Variants in AKAP6 observed in about 807,000 individuals in gnomAD.
AKAP6 encodes the protein A-kinase anchoring protein 6, also known as A-kinase anchor protein 6.
AKAP6 carries 58 observed loss-of-function variants against 188.5 expected under a neutral mutation model. The observed-to-expected ratio is 0.31, with a 90% CI of 0.25 to 0.38. The LOEUF (loss-of-function observed/expected upper bound fraction) is 0.38, where lower values mean the gene tolerates loss of function less well. Among genes scored for constraint, AKAP6 ranks in the 10% least tolerant of loss-of-function variants. The pLI, the probability that AKAP6 is intolerant of heterozygous loss-of-function variation, is 1.00. For missense variants in AKAP6, 2,710 were observed against 2,740.0 expected, an observed-to-expected ratio of 0.99 and a Z score of 0.24; for synonymous variants, 989 against 998.6, an observed-to-expected ratio of 0.99 and a Z score of 0.18.
intron 5 of AKAP6, among the ~76,000 whole-genome samples, chr14:32,597,514 C>A (rs1477078415): frequency 1.3e-5 from 2 of 152,094 alleles, no homozygotes; most frequent in East Asian, 3.9e-4. Flanking sequence ...AGTGCAGGCA[C>A]GTTTTGACTA....
intron 2 of AKAP6, among the ~76,000 whole-genome samples, chr14:32,444,196 A>G (rs906095851): frequency 3.3e-5 from 5 of 152,146 alleles, no homozygotes; most frequent in Admixed American, 6.5e-5. Flanking sequence ...TAGTCTGGAA[A>G]GGGGAGAGAT....
intron 12 of AKAP6, among the ~76,000 whole-genome samples, chr14:32,803,476 C>A (rs1955475): frequency 0.011 from 1,603 of 152,228 alleles, 28 homozygotes; most frequent in African/African-American, 0.036. Context: ...TTGTAAAATG[C>A]ATCGTTTTAT....
At chr14:32,625,664 C>T (rs1429381769) in intron 7 of AKAP6, among the ~76,000 whole-genome samples, 1 of 149,094 alleles carries the variant, frequency 6.7e-6, no homozygotes, top group African/African-American at 2.5e-5. Context: ...AAAAAAAAAC[C>T]CTTCTTACTC....
intron 3 of AKAP6, among the ~76,000 whole-genome samples, chr14:32,536,173 A>G (rs1222793384): frequency 1.3e-5 from 2 of 152,234 alleles, no homozygotes; most frequent in Non-Finnish European, 2.9e-5. Context: ...CTTTGAGTCT[A>G]GAGGAAAATG....
chr14:32,507,094 C>T (rs1880919673), intron 2 of AKAP6, among the ~76,000 whole-genome samples: 1 of 152,184 alleles, frequency 6.6e-6, no homozygotes, highest in South Asian at 2.1e-4. Context: ...AAATTTTTGA[C>T]CATCTTCTTT....
intron 3 of AKAP6, among the ~76,000 whole-genome samples, chr14:32,536,617 A>C (rs1882689887): frequency 6.6e-6 from 1 of 152,204 alleles, no homozygotes; most frequent in African/African-American, 2.4e-5. Context: ...TTCTAGATAC[A>C]GTGAATCAAA....
intron 11 of AKAP6, among the ~76,000 whole-genome samples, chr14:32,752,930 T>C (rs1451038174): frequency 6.6e-6 from 1 of 152,166 alleles, no homozygotes; most frequent in African/African-American, 2.4e-5. Context: ...TGTATGAATG[T>C]GTTTATCCCA....
chr14:32,832,899 C>T lies in AKAP6; in HGVS notation c.*3094C>T, dbSNP rs1200802266. The T allele has an allele frequency of 6.6e-6, 1 of 152,618 alleles. No homozygotes were observed. Among genetic ancestry groups the T allele is most frequent in the Non-Finnish European group, 1.5e-5 (1 of 68,048 alleles). 9.5% of individuals were successfully genotyped at this position (152,618 alleles called of 1,614,324 possible). On this transcript the variant is annotated 3_prime_UTR_variant, in exon 14 of 14. Coordinates refer to ENST00000280979, the MANE Select transcript of AKAP6 (RefSeq NM_004274.5). Reference sequence around the variant, plus strand: ...GGTTTTCAGATCCATTCCAACCTGACTGAATGTTAACAGACAGAATTCTTC... The same window carrying T: ...GGTTTTCAGATCCATTCCAACCTGATTGAATGTTAACAGACAGAATTCTTC...
chr14:32,739,058 C>T (rs1232597061), intron 11 of AKAP6, among the ~76,000 whole-genome samples: 3 of 152,074 alleles, frequency 2.0e-5, no homozygotes, highest in Non-Finnish European at 4.4e-5. Flanking sequence ...GACCATGCTA[C>T]AATTGCATTA....
At chr14:32,397,028 CA>C (rs1293988496) in intron 1 of AKAP6, among the ~76,000 whole-genome samples, 2 of 152,026 alleles carry the variant, frequency 1.3e-5, no homozygotes, top group African/African-American at 2.4e-5. Context: ...GGTAGGAGAA[CA>C]AAAAAGTAGT....
At chr14:32,754,310 C>G (rs1457917426) in intron 11 of AKAP6, among the ~76,000 whole-genome samples, 1 of 152,178 alleles carries the variant, frequency 6.6e-6, no homozygotes, top group African/African-American at 2.4e-5. Context: ...CCACCCTGCT[C>G]TCTTTTGGTT....
intron 7 of AKAP6, among the ~76,000 whole-genome samples, chr14:32,631,023 A>G (rs1033418165): frequency 1.7e-4 from 26 of 152,056 alleles, no homozygotes; most frequent in African/African-American, 4.1e-4. Flanking sequence ...AAAAATTCAC[A>G]GATTACATGG....
chr14:32,444,563 A>G (rs1373562100), intron 2 of AKAP6, among the ~76,000 whole-genome samples: 2 of 152,124 alleles, frequency 1.3e-5, no homozygotes, highest in Non-Finnish European at 2.9e-5. Flanking sequence ...TTTCTTCATT[A>G]TTTGAATAAG....
intron 1 of AKAP6, among the ~76,000 whole-genome samples, chr14:32,418,501 A>G (rs1404223145): frequency 6.6e-6 from 1 of 152,176 alleles, no homozygotes; most frequent in Non-Finnish European, 1.5e-5. Flanking sequence ...TAGCACTCTC[A>G]TGGCAGAGGG....
chr14:32,773,236 A>G (rs2139991997), intron 11 of AKAP6, among the ~76,000 whole-genome samples: 1 of 152,336 alleles, frequency 6.6e-6, no homozygotes, highest in Non-Finnish European at 1.5e-5. Flanking sequence ...CTCAGCCAGT[A>G]GAAAACTGAA....
chr14:32,526,328 G>T (rs547307833), intron 2 of AKAP6, among the ~76,000 whole-genome samples: 175 of 152,132 alleles, frequency 1.2e-3, no homozygotes, highest in Non-Finnish European at 2.1e-3. Context: ...TGCCTCCCGG[G>T]GTCAAGTGAT....
intron 11 of AKAP6, among the ~76,000 whole-genome samples, chr14:32,749,325 G>A (rs1360765608): frequency 1.3e-5 from 2 of 152,154 alleles, no homozygotes; most frequent in East Asian, 3.9e-4. Context: ...TCTTTAAACA[G>A]CACTTTCAGC....
At chr14:32,791,316 G>A (rs1255402243) in intron 12 of AKAP6, among the ~76,000 whole-genome samples, 1 of 152,120 alleles carries the variant, frequency 6.6e-6, no homozygotes, top group Admixed American at 6.5e-5. Flanking sequence ...CATTCTAACA[G>A]TCATGAGATG....
intron 3 of AKAP6, among the ~76,000 whole-genome samples, chr14:32,542,030 G>A (rs892245718): frequency 2.0e-5 from 3 of 152,056 alleles, no homozygotes; most frequent in Non-Finnish European, 4.4e-5. Context: ...AACATTCATT[G>A]AGCACTCATC....
Sources: gnomAD v4.1 joint callset for allele counts (sites outside exome capture counted in the v4.1 genomes callset) on GRCh38, gnomAD v4.1.1 for gene constraint, MANE v1.5 for transcripts, NCBI Gene and HGNC (gene_info 2026-07-23, HGNC 2026-07-21) for gene names.